Variants in ARHGAP8 observed in about 807,000 individuals in gnomAD.
ARHGAP8 encodes Rho GTPase activating protein 8, also known as rho GTPase-activating protein 8.
In ARHGAP8, 62 loss-of-function variants were observed where a neutral mutation model predicts 46.1. The ratio of observed to expected loss-of-function variants is 1.34; its 90% confidence interval spans 1.10 to 1.66. The LOEUF is 1.66. Ranked by LOEUF, ARHGAP8 falls within the 40% of genes most tolerant of loss-of-function variation. The pLI is 0.00. For missense variants in ARHGAP8, 923 were observed against 568.4 expected (o/e 1.62, Z -6.34); for synonymous variants, 375 against 243.1 (o/e 1.54, Z -5.05).
rs553133526 is a variant in ARHGAP8, at chr22:44,794,656, G to A, written c.80-7421G>A. On this transcript the variant is annotated intron_variant, in intron 2 of 11. Transcript: ENST00000356099. ...ACCCAGGAGATGGAGGTTGCTGTGA[G>A]CCGAGATTGGGCCACTGCACTCCAG... Among the ~76,000 whole-genome samples the A allele has an allele frequency of 8.5e-5, 13 of 152,246 alleles. No homozygotes were observed. The South Asian group carries it at 2.7e-3, about 32-fold the overall frequency.
At chr22:44,858,562 G>C (rs1281111821) in intron 10 of ARHGAP8, among the ~76,000 whole-genome samples, 1 of 70,172 alleles carries the variant, frequency 1.4e-5, no homozygotes, top group Non-Finnish European at 2.9e-5. Flanking sequence ...AAGTAACAGG[G>C]TTTCACCATG....
chr22:44,813,447 TACCC>T (rs1381870513), intron 4 of ARHGAP8, among the ~76,000 whole-genome samples: 1 of 59,376 alleles, frequency 1.7e-5, no homozygotes, highest in Non-Finnish European at 3.0e-5. Flanking sequence ...CATACACACA[TACCC>T]ACCTACAGTA....
chr22:44,836,611 C>T (rs914262897), intron 7 of ARHGAP8, among the ~76,000 whole-genome samples: 1 of 151,240 alleles, frequency 6.6e-6, no homozygotes, highest in Non-Finnish European at 1.5e-5. Context: ...ACATGCACTG[C>T]CCATTTCTCT....
At chr22:44,813,593 C>G (rs1005975470) in intron 4 of ARHGAP8, among the ~76,000 whole-genome samples, 1 of 151,658 alleles carries the variant, frequency 6.6e-6, no homozygotes, top group Non-Finnish European at 1.5e-5. Context: ...CCACTTACAG[C>G]TACATACACC....
intron 4 of ARHGAP8, among the ~76,000 whole-genome samples, chr22:44,810,528 C>T (rs1337066675): frequency 6.6e-6 from 1 of 152,208 alleles, no homozygotes; most frequent in Non-Finnish European, 1.5e-5. Flanking sequence ...GCGTGAGCCA[C>T]TGTGCCCAGC....
chr22:44,787,710 T>C (rs1927362243), intron 2 of ARHGAP8, among the ~76,000 whole-genome samples: 1 of 152,070 alleles, frequency 6.6e-6, no homozygotes, highest in Non-Finnish European at 1.5e-5. Context: ...AACCCTCACG[T>C]TGATGTCCCC....
At position 44,862,421 on chromosome 22, in the gene ARHGAP8, C is replaced by T. The variant is rs766777494; in HGVS notation, c.1128C>T (p.Tyr376=). 4.3e-5 allele frequency: 69 copies of T among 1,614,014 alleles called. No homozygotes were observed. Among genetic ancestry groups the T allele is most frequent in the East Asian group, 3.1e-4 (14 of 44,878 alleles). ...LNMFTELLIE[Y]YEKIFSTPEA... ...TGTTCACTGAACTGCTGATCGAGTA[C>T]TATGAAAAGATCTTCAGCACCCCGG... is the stretch of plus-strand genomic sequence containing the variant. Residue 376 remains tyrosine, a synonymous_variant, in exon 12 of 12, where the codon TAC becomes TAT. Coordinates refer to ENST00000356099, the MANE Select transcript of ARHGAP8 (RefSeq NM_181335.3).
At chr22:44,847,859 T>C (rs2069995284) in intron 8 of ARHGAP8, 114 bp from the exon 9 acceptor site, 1 of 1,335,388 alleles carries the variant, frequency 7.5e-7, no homozygotes, top group Non-Finnish European at 1.0e-6. Context: ...AACAAATAAA[T>C]GTGTGGAGGC....
In ARHGAP8 at chr22:44,859,726, T is replaced by C. The variant is rs532533677; in HGVS notation, c.878-5T>C. ...AGCTCAGCAGGGAGCCCCATGCCCT[T>C]CCAGGTGTGGAGAGCAGCCTGCGTG... On this transcript the variant is annotated splice_polypyrimidine_tract_variant and splice_region_variant and intron_variant, in intron 10 of 11. Transcript: ENST00000356099. 1 of 1,613,280 alleles carries C rather than the reference T, an allele frequency of 6.2e-7. No individual in the cohort carries two copies. Among genetic ancestry groups the C allele is most frequent in the South Asian group, 1.1e-5 (1 of 91,070 alleles).
intron 7 of ARHGAP8, among the ~76,000 whole-genome samples, 166 bp from the exon 8 acceptor site, chr22:44,845,103 G>A (rs1383127196): frequency 6.6e-6 from 1 of 152,052 alleles, no homozygotes; most frequent in East Asian, 1.9e-4. Flanking sequence ...TTATTATTTG[G>A]TCTTCAGACT....
intron 1 of ARHGAP8, among the ~76,000 whole-genome samples, chr22:44,768,466 AT>A (rs58497118): frequency 0.18 from 24,898 of 140,756 alleles, 2,417 homozygotes; most frequent in African/African-American, 0.28. Flanking sequence ...CACTTGGCTA[AT>A]TTTTTTTTTT....
At chr22:44,793,765 G>C (rs894285396) in intron 2 of ARHGAP8, among the ~76,000 whole-genome samples, 2 of 152,190 alleles carry the variant, frequency 1.3e-5, no homozygotes, top group African/African-American at 4.8e-5. Flanking sequence ...GAATTCATCT[G>C]ATGCCTTGCA....
rs569752689 is a variant in ARHGAP8 at position 44,802,085 on chromosome 22, C to T, written c.88C>T (p.Arg30Cys). The change falls in exon 3 of 12, where the codon CGC (arginine) becomes TGC (cysteine). Residue 30 changes from arginine to cysteine, a missense_variant. Transcript: ENST00000356099. The part of the protein sequence containing the change: ...HGILQVAGDD[R>C]FGRRVVTFSC... ...TGTGTCTGCTCCTCCAGGGGATGAC[C>T]GCTTTGGAAGACGTGTTGTCACGTT... 42 of 1,614,134 alleles carry T rather than the reference C, an allele frequency of 2.6e-5. No homozygotes were observed. Among genetic ancestry groups the T allele is most frequent in the African/African-American group, 2.0e-4 (15 of 75,058 alleles).
chr22:44,820,114 C>T (rs1317417820), intron 5 of ARHGAP8, among the ~76,000 whole-genome samples: 3 of 152,258 alleles, frequency 2.0e-5, no homozygotes, highest in African/African-American at 2.4e-5. Context: ...CTCAGATCCC[C>T]GCAGGTGGTG....
At chr22:44,787,029 C>CAAAAAAAAAAAAAAAAAAAAAAAAAA (rs34957650) in intron 2 of ARHGAP8, among the ~76,000 whole-genome samples, 1 of 94,824 alleles carries the variant, frequency 1.1e-5, no homozygotes, top group Non-Finnish European at 2.2e-5. Context: ...GACCCTGTCT[C>CAAAAAAAAAAAAAAAAAAAAAAAAAA]AAAAAAACAA....
At position 44,849,534 on chromosome 22, in the gene ARHGAP8, T is replaced by C. The variant is rs531125576; in HGVS notation, c.877+474T>C. On this transcript the variant is annotated intron_variant, in intron 10 of 11. Transcript: ENST00000356099. ...TACAGGCGCTTTGTGATGGGTCAAA[T>C]GCTCAGTGTGGCTGAGCACAGATGA... The C allele has an allele frequency of 1.0e-4, 17 of 169,722 alleles. No individual in the cohort carries two copies. In the South Asian group the frequency reaches 2.7e-3, roughly 27 times the overall value. The allele number at this position is 169,722 out of a possible 1,614,324, so 10.5% of individuals were successfully genotyped here.
chr22:44,810,488 C>CAGTTGTTT (rs973395112), intron 4 of ARHGAP8, among the ~76,000 whole-genome samples: 50 of 152,328 alleles, frequency 3.3e-4, no homozygotes, highest in African/African-American at 1.2e-3. Context: ...GATCCGCCTG[C>CAGTTGTTT]CTTGGCCTCC....
intron 7 of ARHGAP8, among the ~76,000 whole-genome samples, chr22:44,838,139 A>ATTTTTTTTTTTTTTTTT (rs1569172273): frequency 7.2e-6 from 1 of 139,064 alleles, no homozygotes; most frequent in African/African-American, 2.7e-5. Context: ...ATGCCTGGCT[A>ATTTTTTTTTTTTTTTTT]ATTTTTTTTT....
chr22:44,778,616 G>A (rs1230835526), intron 1 of ARHGAP8, among the ~76,000 whole-genome samples: 2 of 152,162 alleles, frequency 1.3e-5, no homozygotes, highest in African/African-American at 4.8e-5. Flanking sequence ...GTTTTCCATA[G>A]TGGTTGTGCT....
Sources: gnomAD v4.1 joint callset for allele counts (sites outside exome capture counted in the v4.1 genomes callset) on GRCh38, gnomAD v4.1.1 for gene constraint, MANE v1.5 for transcripts, NCBI Gene and HGNC (gene_info 2026-07-23, HGNC 2026-07-21) for gene names.